Variants in ZPBP observed in about 807,000 individuals in gnomAD.
The protein encoded by ZPBP is zona pellucida-binding protein 1.
In ZPBP, 26 loss-of-function variants were observed where a neutral mutation model predicts 44.8. The observed-to-expected ratio is 0.58, with a 90% CI of 0.43 to 0.81. The LOEUF (loss-of-function observed/expected upper bound fraction) is 0.81. Ranked by LOEUF, ZPBP falls within the 30% of genes least tolerant of loss-of-function variation. The pLI is 0.00. For synonymous variants in ZPBP, 174 were observed against 153.2 expected (o/e 1.14, Z -1.00); for missense variants, 409 against 434.0 (o/e 0.94, Z 0.51).
intron 2 of ZPBP, among the ~76,000 whole-genome samples, chr7:49,875,386 A>AAAAAAAC: frequency 6.7e-6 from 1 of 149,776 alleles, no homozygotes; most frequent in African/African-American, 2.4e-5. Flanking sequence ...AAAAAAAAAA[A>AAAAAAAC]AAAAAAAAAA....
chr7:49,867,364 T>G (rs1790941221), intron 2 of ZPBP, among the ~76,000 whole-genome samples: 1 of 152,174 alleles, frequency 6.6e-6, no homozygotes, highest in Non-Finnish European at 1.5e-5. Flanking sequence ...ATATTCAGTG[T>G]CAGCAGCTGC....
chr7:50,031,927 C>A lies in ZPBP; in HGVS notation c.488-617G>T, dbSNP rs558863866. Among the ~76,000 whole-genome samples, 3 of 152,034 alleles carry A rather than the reference C, an allele frequency of 2.0e-5. No individual in the cohort carries two copies. In the East Asian group the frequency reaches 5.8e-4, roughly 29 times the overall value. ...AAATGAAAAGAAATTCACTACAATA[C>A]CAAAAGTCAGAAAAGTTCATCTTCC... On this transcript the variant is annotated intron_variant, in intron 4 of 7. Transcript: ENST00000046087.
intron 1 of ZPBP, among the ~76,000 whole-genome samples, chr7:49,924,988 A>T (rs1336901552): frequency 1.3e-5 from 2 of 152,122 alleles, no homozygotes; most frequent in African/African-American, 4.8e-5. Context: ...AGCTATGTGC[A>T]CCCTCCTCCA....
At chr7:50,073,306 GAAGA>G (rs1562608587) in intron 3 of ZPBP, among the ~76,000 whole-genome samples, 1 of 151,954 alleles carries the variant, frequency 6.6e-6, no homozygotes, top group Non-Finnish European at 1.5e-5. Context: ...GAATCAAGCA[GAAGA>G]AAGAATTAGT....
Position 50,028,660 on chromosome 7 carries a change from A to T in ZPBP, c.706+2432T>A, listed in dbSNP as rs558588269. ...AACCAAAGGTGCACAATCCATTTTA[A>T]AAAAAAAAAAACCCAGTGTATTTCT... On this transcript the variant is annotated intron_variant, in intron 5 of 7. Coordinates refer to ENST00000046087, the MANE Select transcript of ZPBP (RefSeq NM_007009.3). 9.2e-3 allele frequency among the ~76,000 whole-genome samples: 1,379 copies of T among 150,184 alleles called. 8 individuals are homozygous for T. Among genetic ancestry groups the T allele is most frequent in the African/African-American group, 0.028 (1,165 of 41,114 alleles).
intron 2 of ZPBP, among the ~76,000 whole-genome samples, chr7:49,852,553 G>T (rs1238917735): frequency 6.6e-6 from 1 of 152,028 alleles, no homozygotes; most frequent in African/African-American, 2.4e-5. Context: ...TCATACCTGG[G>T]GATAATGCTA....
At chr7:50,041,455 G>A (rs1299788886) in intron 4 of ZPBP, among the ~76,000 whole-genome samples, 2 of 152,192 alleles carry the variant, frequency 1.3e-5, no homozygotes, top group Non-Finnish European at 2.9e-5. Flanking sequence ...AGCTTCCAGA[G>A]GAAGGAACAG....
intron 2 of ZPBP, among the ~76,000 whole-genome samples, chr7:49,862,726 G>GTT (rs3062198): frequency 0.018 from 2,607 of 143,534 alleles, 82 homozygotes; most frequent in African/African-American, 0.063. Flanking sequence ...ATGACCATGA[G>GTT]TTTTTTTTTT....
chr7:50,033,678 G>GTTTGTTTGTTTATTTA (rs143206693), intron 4 of ZPBP, among the ~76,000 whole-genome samples: 5,245 of 148,802 alleles, frequency 0.035, 104 homozygotes, highest in Middle Eastern at 0.058. Flanking sequence ...TCTTTCTACA[G>GTTTGTTTGTTTATTTA]TTTATTTATT....
rs1796464417 is a variant in ZPBP at position 49,975,368 on chromosome 7, A to G, written c.961+7974T>C. On this transcript the variant is annotated intron_variant, in intron 7 of 7. Coordinates refer to ENST00000046087, the MANE Select transcript of ZPBP (RefSeq NM_007009.3). ...ACTTCCCAGTGCTGTTCCTTCTCAT[A>G]GTTTCCTGACTGCTCCCCAAGTCAG... Among the ~76,000 whole-genome samples the G allele has an allele frequency of 1.3e-5, 2 of 152,028 alleles. 1 individual carries two copies. Among genetic ancestry groups the G allele is most frequent in the South Asian group, 4.2e-4 (2 of 4,818 alleles).
At chr7:49,867,075 G>C (rs1790923558) in intron 2 of ZPBP, among the ~76,000 whole-genome samples, 1 of 152,204 alleles carries the variant, frequency 6.6e-6, no homozygotes, top group South Asian at 2.1e-4. Flanking sequence ...GATGGCTCAA[G>C]AAATGTAAAT....
chr7:49,877,481 A>AAAATATACAT lies in ZPBP; in HGVS notation n.509+23636_509+23637insATGTATATTT. ...CTGTCTCAAAAAAAAAAAAAAAAAA[A>AAAATATACAT]ATATATATATATATATATATATATA... On this transcript the variant is annotated intron_variant and non_coding_transcript_variant, in intron 2 of 2. Coordinates refer to the ZPBP transcript ENST00000465922. 7.2e-3 allele frequency among the ~76,000 whole-genome samples: 91 copies of AAAATATACAT among 12,726 alleles called. 24 individuals are homozygous for AAAATATACAT. The highest frequency in any genetic ancestry group is 0.024 in the African/African-American group (85 of 3,602). The allele number at this position is 12,726 out of a possible 152,430, so 8.3% of individuals were successfully genotyped here.
intron 1 of ZPBP, among the ~76,000 whole-genome samples, chr7:50,090,446 TGAG>T (rs1175562146): frequency 2.0e-5 from 3 of 149,068 alleles, no homozygotes; most frequent in Non-Finnish European, 4.4e-5. Context: ...TTTTTATAGT[TGAG>T]TAGTATTCCA....
At chr7:50,040,020 ATAC>A (rs1437440870) in intron 4 of ZPBP, among the ~76,000 whole-genome samples, 4 of 152,366 alleles carry the variant, frequency 2.6e-5, no homozygotes, top group South Asian at 4.1e-4. Context: ...AGAAATGAAA[ATAC>A]TACATTAGAA....
At chr7:49,944,156 A>C (rs1433255896) in intron 7 of ZPBP, 1 of 278,020 alleles carries the variant, frequency 3.6e-6, no homozygotes, top group African/African-American at 2.3e-5. Flanking sequence ...TTCCTCTTGA[A>C]GTTTTTGTAA....
chr7:50,092,324 G>T (rs1468710154), intron 1 of ZPBP, among the ~76,000 whole-genome samples: 1 of 151,992 alleles, frequency 6.6e-6, no homozygotes, highest in Non-Finnish European at 1.5e-5. Flanking sequence ...CACTCCATTT[G>T]TTTCCTTTCT....
intron 4 of ZPBP, among the ~76,000 whole-genome samples, chr7:50,047,168 GA>G (rs1800413981): frequency 6.6e-6 from 1 of 152,054 alleles, no homozygotes; most frequent in Admixed American, 6.6e-5. Context: ...CTAGGGGAGG[GA>G]TAGCATTAGG....
chr7:49,852,848 C>T (rs575523374), intron 2 of ZPBP, among the ~76,000 whole-genome samples: 10 of 152,334 alleles, frequency 6.6e-5, no homozygotes, highest in African/African-American at 1.7e-4. Flanking sequence ...TAGTGACTGG[C>T]TCCTTGAACT....
At chr7:49,968,973 T>A (rs1191783396) in intron 7 of ZPBP, among the ~76,000 whole-genome samples, 1 of 151,746 alleles carries the variant, frequency 6.6e-6, no homozygotes, top group Non-Finnish European at 1.5e-5. Context: ...TTATTCCATT[T>A]AAATGAAGTT....
Sources: gnomAD v4.1 joint callset for allele counts (sites outside exome capture counted in the v4.1 genomes callset) on GRCh38, gnomAD v4.1.1 for gene constraint, MANE v1.5 for transcripts, NCBI Gene and HGNC (gene_info 2026-07-23, HGNC 2026-07-21) for gene names.